Variants in ABL2 observed in about 807,000 individuals in gnomAD.
ABL2 encodes tyrosine-protein kinase ABL2.
ABL2 carries 49 observed loss-of-function variants against 107.7 expected under a neutral mutation model. The ratio of observed to expected loss-of-function variants is 0.45; its 90% CI spans 0.36 to 0.58. ABL2 has a LOEUF of 0.58. Ranked by LOEUF, ABL2 falls within the 20% of genes least tolerant of loss-of-function variation. The pLI, the probability that ABL2 is intolerant of heterozygous loss-of-function variation, is 0.00. For missense variants in ABL2, 1,245 were observed against 1,457.0 expected, an observed-to-expected ratio of 0.85 and a Z score of 2.37; for synonymous variants, 549 against 548.6, an observed-to-expected ratio of 1.00 and a Z score of -0.01.
intron 1 of ABL2, among the ~76,000 whole-genome samples, chr1:179,137,509 T>C (rs758412314): frequency 7.2e-5 from 11 of 152,190 alleles, no homozygotes; most frequent in Non-Finnish European, 1.3e-4. Flanking sequence ...TATCAGTTTA[T>C]TTAATTATTC....
intron 1 of ABL2, among the ~76,000 whole-genome samples, chr1:179,187,737 A>T (rs1660755365): frequency 6.6e-6 from 1 of 152,204 alleles, no homozygotes; most frequent in Non-Finnish European, 1.5e-5. Flanking sequence ...TCTAGGGAAG[A>T]AATAATACTA....
intron 2 of ABL2, 78 bp downstream of exon 2, chr1:179,133,234 T>G: frequency 1.3e-6 from 2 of 1,586,544 alleles, no homozygotes; most frequent in East Asian, 4.5e-5. Flanking sequence ...GTTCCATTTA[T>G]TTTCAAATCC....
intron 1 of ABL2, among the ~76,000 whole-genome samples, chr1:179,140,215 T>G (rs1657447106): frequency 6.6e-6 from 1 of 152,228 alleles, no homozygotes; most frequent in Non-Finnish European, 1.5e-5. Context: ...TACCTTATTC[T>G]GGCCACTGAC....
intron 1 of ABL2, among the ~76,000 whole-genome samples, chr1:179,166,350 T>C (rs1659375910): frequency 7.3e-6 from 1 of 137,554 alleles, no homozygotes; most frequent in East Asian, 2.1e-4. Context: ...ATTCATCTTA[T>C]AAGGAACTAA....
intron 1 of ABL2, among the ~76,000 whole-genome samples, chr1:179,198,113 G>A (rs574121244): frequency 2.7e-4 from 40 of 146,826 alleles, no homozygotes; most frequent in African/African-American, 9.1e-4. Context: ...GGTCAAAGCT[G>A]CAACGAGTTG....
chr1:179,202,942 T>C (rs764997033), intron 1 of ABL2, among the ~76,000 whole-genome samples: 1 of 152,084 alleles, frequency 6.6e-6, no homozygotes, highest in Non-Finnish European at 1.5e-5. Context: ...AATACATGAG[T>C]GAAAAATGAC....
chr1:179,223,346 G>A (rs1320131833), intron 1 of ABL2, among the ~76,000 whole-genome samples: 1 of 150,954 alleles, frequency 6.6e-6, no homozygotes, highest in African/African-American at 2.4e-5. Context: ...CCAGGAGTTT[G>A]AGGCTGCAGT....
chr1:179,133,531 T>C (rs1656551341), intron 1 of ABL2, among the ~76,000 whole-genome samples, 157 bp from the exon 2 acceptor site: 1 of 152,176 alleles, frequency 6.6e-6, no homozygotes, highest in Non-Finnish European at 1.5e-5. Flanking sequence ...ATACCTCAAA[T>C]TGTAAACTTT....
At chr1:179,184,199 A>G in intron 1 of ABL2, 1 of 477,342 alleles carries the variant, frequency 2.1e-6, no homozygotes, top group Non-Finnish European at 3.9e-6. Context: ...ATCTGACCAA[A>G]GTTGAAGTGA....
chr1:179,226,157 C>T (rs1212934039), intron 1 of ABL2, among the ~76,000 whole-genome samples: 2 of 148,818 alleles, frequency 1.3e-5, no homozygotes, highest in Non-Finnish European at 1.5e-5. Flanking sequence ...ATATTATTTG[C>T]TAATTCCTTT....
chr1:179,192,970 T>A (rs1056412427), intron 1 of ABL2, among the ~76,000 whole-genome samples: 10 of 152,230 alleles, frequency 6.6e-5, no homozygotes, highest in Non-Finnish European at 1.5e-5. Context: ...TCTTAAAATA[T>A]CTTTGGTAAC....
At chr1:179,145,115 C>T (rs1657895726) in intron 1 of ABL2, among the ~76,000 whole-genome samples, 1 of 152,038 alleles carries the variant, frequency 6.6e-6, no homozygotes, top group Non-Finnish European at 1.5e-5. Context: ...GTAGATGGGC[C>T]TTGAAAATAT....
At chr1:179,125,786 A>G (rs1287276327) in intron 4 of ABL2, among the ~76,000 whole-genome samples, 2 of 152,220 alleles carry the variant, frequency 1.3e-5, no homozygotes, top group African/African-American at 4.8e-5. Context: ...GGAGAATAGA[A>G]GAAATAATTC....
In ABL2 at chr1:179,119,800, T is replaced by C. The variant is rs548241150; in HGVS notation, c.1045+390A>G. Among the ~76,000 whole-genome samples the C allele has an allele frequency of 2.5e-4, 38 of 152,358 alleles. No homozygotes were observed. In the South Asian group the frequency reaches 2.7e-3, roughly 11 times the overall value. The stretch of plus-strand genomic sequence containing the variant: ...GGTTCAGTACCATTTTGAACACTTC[T>C]GAACTTTGAATCTGGGGCAATTAGT... On this transcript the variant is annotated intron_variant, in intron 6 of 11. Coordinates refer to ENST00000502732, the MANE Select transcript of ABL2 (RefSeq NM_007314.4).
At position 179,117,440 on chromosome 1, in the gene ABL2, T is replaced by C; in HGVS notation, c.1300A>G (p.Met434Val). The C allele has an allele frequency of 6.2e-7, 1 of 1,614,170 alleles. No individual in the cohort carries two copies. The highest frequency in any genetic ancestry group is 8.5e-7 in the Non-Finnish European group (1 of 1,180,028). Reference protein sequence around the residue: ...KVADFGLSRLMTGDTYTAHAG... With the variant: ...KVADFGLSRLVTGDTYTAHAG... The stretch of plus-strand genomic sequence containing the variant: ...TGAGCAGTATAAGTGTCTCCAGTCA[T>C]CAATCTACTTAAGCCAAAGTCAGCC... Residue 434 changes from methionine to valine, a missense_variant, in exon 8 of 12, where the codon ATG becomes GTG. Physicochemically the swap from Met to Val is conservative, Grantham distance 21. Transcript: ENST00000502732.
At chr1:179,118,050 G>A (rs774636368) in intron 7 of ABL2, among the ~76,000 whole-genome samples, 1 of 152,166 alleles carries the variant, frequency 6.6e-6, no homozygotes, top group Non-Finnish European at 1.5e-5. Flanking sequence ...CTACTCAGGA[G>A]GCTGAGGTGG....
At chr1:179,110,640 G>A (rs1300581920) in intron 10 of ABL2, 185 bp from the exon 11 acceptor site, 10 of 1,521,996 alleles carry the variant, frequency 6.6e-6, no homozygotes, top group Admixed American at 4.0e-5. Flanking sequence ...GTGTAGATTC[G>A]TCCACGCTGC....
At chr1:179,112,162 C>A (rs1264020267) in intron 10 of ABL2, 147 bp downstream of exon 10, 6 of 612,932 alleles carry the variant, frequency 9.8e-6, no homozygotes, top group Non-Finnish European at 1.7e-5. Context: ...ATAAACTATA[C>A]TCTGATGCAA....
At chr1:179,121,986 C>A in intron 4 of ABL2, 119 bp from the exon 5 acceptor site, 1 of 1,004,716 alleles carries the variant, frequency 1.0e-6, no homozygotes, top group South Asian at 1.8e-5. Flanking sequence ...AGTGCACTGG[C>A]GCGATCTCGG....
Sources: allele counts gnomAD v4.1 joint callset (sites outside exome capture counted in the v4.1 genomes callset), GRCh38; gene constraint gnomAD v4.1.1; transcripts MANE v1.5; gene names NCBI Gene and HGNC (gene_info 2026-07-23, HGNC 2026-07-21).